ALKBH3: variants seen among roughly 807,000 people sequenced by gnomAD.
ALKBH3 encodes alpha-ketoglutarate-dependent dioxygenase alkB homolog 3.
A neutral mutation model predicts 43.9 loss-of-function variants in ALKBH3; 51 were observed. That is an observed-to-expected ratio of 1.16 (90% CI 0.93 to 1.47). The LOEUF (loss-of-function observed/expected upper bound fraction) is 1.47. ALKBH3 is among the 40% of genes most tolerant of loss of function. The pLI is 0.00. For missense variants in ALKBH3, 361 were observed against 351.9 expected (o/e 1.03, Z -0.21); for synonymous variants, 102 against 115.2 (o/e 0.89, Z 0.73).
intron 8 of ALKBH3, among the ~76,000 whole-genome samples, chr11:43,917,397 T>C (rs1951992374): frequency 6.6e-6 from 1 of 152,232 alleles, no homozygotes; most frequent in African/African-American, 2.4e-5. Context: ...TGTGGTTAAG[T>C]GTCTTTCCTT....
intron 7 of ALKBH3, among the ~76,000 whole-genome samples, chr11:43,893,579 A>G (rs1590369730): frequency 6.6e-6 from 1 of 152,116 alleles, no homozygotes; most frequent in African/African-American, 2.4e-5. Flanking sequence ...ATTCTACCCC[A>G]TGTTTTGGTT....
chr11:43,895,298 T>C (rs1409952995), intron 7 of ALKBH3, among the ~76,000 whole-genome samples: 1 of 152,216 alleles, frequency 6.6e-6, no homozygotes, highest in Non-Finnish European at 1.5e-5. Flanking sequence ...GTGGAGATAA[T>C]TGAATCATGG....
chr11:43,915,552 G>C (rs958319530), intron 8 of ALKBH3, among the ~76,000 whole-genome samples: 21 of 152,052 alleles, frequency 1.4e-4, no homozygotes, highest in Non-Finnish European at 2.5e-4. Context: ...AAAAAATACT[G>C]GTGTATGAAA....
chr11:43,904,337 G>T (rs1461183886), intron 8 of ALKBH3, among the ~76,000 whole-genome samples: 2 of 152,192 alleles, frequency 1.3e-5, no homozygotes, highest in Non-Finnish European at 2.9e-5. Context: ...GGTACTTCAG[G>T]TTGTTGACTG....
At chr11:43,907,712 C>T (rs1334284691) in intron 8 of ALKBH3, among the ~76,000 whole-genome samples, 1 of 152,088 alleles carries the variant, frequency 6.6e-6, no homozygotes, top group African/African-American at 2.4e-5. Context: ...GGAGGCCCTG[C>T]CCTGGAGCAG....
intron 5 of ALKBH3, 80 bp downstream of exon 5, chr11:43,886,733 G>A: frequency 7.2e-7 from 1 of 1,380,912 alleles, no homozygotes. Context: ...CCTAGAGAAA[G>A]AAAATGTAGT....
At chr11:43,884,375 CTTTTT>C (rs113557050) in intron 4 of ALKBH3, among the ~76,000 whole-genome samples, 63 of 134,084 alleles carry the variant, frequency 4.7e-4, no homozygotes, top group Admixed American at 6.6e-4. Flanking sequence ...TTAATTGCCT[CTTTTT>C]TTTTTTTTTT....
intron 9 of ALKBH3, among the ~76,000 whole-genome samples, 185 bp downstream of exon 9, chr11:43,919,321 G>A (rs1010825290): frequency 3.9e-5 from 6 of 152,200 alleles, no homozygotes; most frequent in South Asian, 4.1e-4. Context: ...TAGTGTGTCC[G>A]GTAGAACTTT....
chr11:43,889,272 G>A (rs1388425865), intron 5 of ALKBH3, among the ~76,000 whole-genome samples: 2 of 152,248 alleles, frequency 1.3e-5, no homozygotes, highest in Admixed American at 6.5e-5. Context: ...TGATCCACCC[G>A]CTTGAGCCTC....
At chr11:43,882,372 A>G (rs1951717958) in intron 1 of ALKBH3, among the ~76,000 whole-genome samples, 2 of 152,226 alleles carry the variant, frequency 1.3e-5, no homozygotes. Context: ...AAGAAACAAA[A>G]GTACTATGGT....
chr11:43,883,289 T>C (rs1434401639), intron 3 of ALKBH3, 101 bp downstream of exon 3: 11 of 777,350 alleles, frequency 1.4e-5, no homozygotes, highest in Non-Finnish European at 2.3e-5. Flanking sequence ...ATAAATTCAC[T>C]AATAGCAGAG....
chr11:43,898,681 A>T (rs1232878134), intron 7 of ALKBH3: 1 of 717,130 alleles, frequency 1.4e-6, no homozygotes, highest in South Asian at 1.5e-5. Context: ...GCGGTGGATC[A>T]TCGAGGTGGT....
At chr11:43,919,638 A>G in intron 9 of ALKBH3, 1 of 367,658 alleles carries the variant, frequency 2.7e-6, no homozygotes, top group Non-Finnish European at 5.0e-6. Flanking sequence ...TATATGTTTT[A>G]TGAGATTTGG....
chr11:43,899,351 A>G lies in ALKBH3; in HGVS notation c.460-2165A>G, dbSNP rs184940773. 295 of 697,636 alleles carry G rather than the reference A, an allele frequency of 4.2e-4. 2 individuals carry two copies. In the Admixed American group the frequency reaches 5.0e-3, roughly 12 times the overall value. The allele number at this position is 697,636 out of a possible 1,614,324, so 43.2% of individuals were successfully genotyped here. A position where few individuals can be genotyped will look rare whatever the true frequency, so the allele number is the denominator to read the frequency against. On this transcript the variant is annotated intron_variant, in intron 7 of 9. Coordinates refer to ENST00000302708, the MANE Select transcript of ALKBH3 (RefSeq NM_139178.4). ...ATTCCACAGCATGCCCGTGTGCACC[A>G]TCAGCAGCCTGCCCCAGGTGGATGA...
intron 8 of ALKBH3, chr11:43,909,487 G>A (rs1024228273): frequency 1.3e-5 from 2 of 152,138 alleles, no homozygotes; most frequent in African/African-American, 4.8e-5. Context: ...ACCTCAGCTG[G>A]GTTCTCAAGG....
intron 7 of ALKBH3, chr11:43,898,729 A>T: frequency 1.4e-6 from 1 of 719,666 alleles, no homozygotes; most frequent in South Asian, 1.5e-5. Context: ...CCGACTTCTC[A>T]TCCTGCGGTC....
chr11:43,918,272 C>T (rs1243527529), intron 8 of ALKBH3, among the ~76,000 whole-genome samples: 1 of 152,210 alleles, frequency 6.6e-6, no homozygotes, highest in Non-Finnish European at 1.5e-5. Context: ...GCAGCTTATG[C>T]TCTGAAGACT....
chr11:43,886,510 G>A, intron 4 of ALKBH3, 96 bp from the exon 5 acceptor site: 3 of 1,227,660 alleles, frequency 2.4e-6, no homozygotes, highest in Non-Finnish European at 3.6e-6. Flanking sequence ...ACTTTGGTGA[G>A]CCAGGACTTT....
chr11:43,897,126 T>C, intron 7 of ALKBH3: 3 of 407,246 alleles, frequency 7.4e-6, no homozygotes, highest in South Asian at 5.3e-5. Context: ...GAGAGGGGTC[T>C]CAGTTTATTG....
Sources: allele counts gnomAD v4.1 joint callset (sites outside exome capture counted in the v4.1 genomes callset), GRCh38; gene constraint gnomAD v4.1.1; transcripts MANE v1.5; gene names NCBI Gene and HGNC (gene_info 2026-07-23, HGNC 2026-07-21).